RTN4RL1: variants seen among roughly 807,000 people sequenced by gnomAD.
The protein encoded by RTN4RL1 is reticulon-4 receptor-like 1.
Under a neutral mutation model 25.6 loss-of-function variants are expected in RTN4RL1, and 7 were observed. The observed-to-expected ratio is 0.27, with a 90% CI of 0.16 to 0.51. The LOEUF is 0.51. Ranked by LOEUF, RTN4RL1 falls within the 20% of genes least tolerant of loss-of-function variation. The probability of loss-of-function intolerance (pLI) is 0.97; values close to 1 mark genes in which losing one functional copy is unlikely to be tolerated. For missense variants in RTN4RL1, 500 were observed against 615.6 expected (o/e 0.81, Z 1.99); for synonymous variants, 297 against 288.2 (o/e 1.03, Z -0.31).
rs531346083 is a variant in RTN4RL1, at chr17:1,936,015, G to T, written c.*481C>A. ...GCAGGGTGACTGGCCTCAGGCAAGAGCCAAGATGCCACCTGCTCGTGTGTG... is the reference window on the plus strand; with the variant it reads ...GCAGGGTGACTGGCCTCAGGCAAGATCCAAGATGCCACCTGCTCGTGTGTG... On this transcript the variant is annotated 3_prime_UTR_variant, in exon 2 of 2. Transcript: ENST00000331238. 2 of 988,832 alleles carry T rather than the reference G, an allele frequency of 2.0e-6. No individual in the cohort carries two copies. Among genetic ancestry groups the T allele is most frequent in the South Asian group, 9.3e-5 (2 of 21,420 alleles). 61.3% of individuals were successfully genotyped at this position (988,832 alleles called of 1,614,324 possible).
At chr17:1,951,467 T>C (rs1233051737) in intron 1 of RTN4RL1, among the ~76,000 whole-genome samples, 1 of 151,236 alleles carries the variant, frequency 6.6e-6, no homozygotes, top group African/African-American at 2.4e-5. Context: ...TGTTTGTTTT[T>C]TTGGGACAGA....
At chr17:2,011,984 G>T (rs2067055719) in intron 1 of RTN4RL1, among the ~76,000 whole-genome samples, 1 of 152,160 alleles carries the variant, frequency 6.6e-6, no homozygotes, top group Non-Finnish European at 1.5e-5. Context: ...TCCCTGGGAG[G>T]AGAGGAAGCA....
chr17:1,945,654 C>G (rs973499984), intron 1 of RTN4RL1, among the ~76,000 whole-genome samples: 1 of 152,208 alleles, frequency 6.6e-6, no homozygotes, highest in Non-Finnish European at 1.5e-5. Context: ...CCCGGCCGCC[C>G]TGCTTCACTT....
At chr17:1,982,301 AAAAAG>A (rs2066870501) in intron 1 of RTN4RL1, among the ~76,000 whole-genome samples, 1 of 149,828 alleles carries the variant, frequency 6.7e-6, no homozygotes, top group East Asian at 1.9e-4. Flanking sequence ...ACTTTGTCTC[AAAAAG>A]AAAAGAGAAG....
chr17:2,021,551 C>CTTTTTTTTT (rs767770637), intron 1 of RTN4RL1, among the ~76,000 whole-genome samples: 2 of 106,186 alleles, frequency 1.9e-5, no homozygotes, highest in Non-Finnish European at 1.8e-5. Context: ...CATCCTATAC[C>CTTTTTTTTT]TTTTTTTTTT....
chr17:2,004,647 C>A (rs968339617), intron 1 of RTN4RL1, among the ~76,000 whole-genome samples: 4 of 152,204 alleles, frequency 2.6e-5, no homozygotes, highest in Admixed American at 2.0e-4. Context: ...CCGCCTGCAC[C>A]GCCTTAGGGG....
intron 1 of RTN4RL1, among the ~76,000 whole-genome samples, chr17:1,972,781 C>T (rs1187579902): frequency 6.6e-6 from 1 of 152,206 alleles, no homozygotes; most frequent in Non-Finnish European, 1.5e-5. Flanking sequence ...GCTAACTGTT[C>T]ACAGACTCCT....
chr17:2,009,166 A>G (rs1213435526), intron 1 of RTN4RL1, among the ~76,000 whole-genome samples: 1 of 152,184 alleles, frequency 6.6e-6, no homozygotes, highest in Admixed American at 6.5e-5. Flanking sequence ...TGTGGAGTAA[A>G]AGGGCAGGGT....
rs376654942 is a variant in RTN4RL1, at chr17:1,985,244, C to T, written c.13+39609G>A. On this transcript the variant is annotated intron_variant, in intron 1 of 1. Transcript: ENST00000331238. ...CTCCTGGCACAAAGGTGTTCACTCCCTGAGTGCCTGCACCAATGCCCTAGG... is the reference window on the plus strand; with the variant it reads ...CTCCTGGCACAAAGGTGTTCACTCCTTGAGTGCCTGCACCAATGCCCTAGG... Among the ~76,000 whole-genome samples the T allele has an allele frequency of 2.8e-4, 43 of 152,348 alleles. No individual in the cohort carries two copies. In the South Asian group the frequency reaches 8.9e-3, roughly 32 times the overall value.
chr17:1,973,761 G>A (rs973249492), intron 1 of RTN4RL1, among the ~76,000 whole-genome samples: 2 of 152,078 alleles, frequency 1.3e-5, no homozygotes, highest in African/African-American at 2.4e-5. Flanking sequence ...AGAGCTGGCC[G>A]GGTGTGGTGG....
chr17:1,948,057 C>A (rs1317849948), intron 1 of RTN4RL1, among the ~76,000 whole-genome samples: 2 of 152,220 alleles, frequency 1.3e-5, no homozygotes, highest in Non-Finnish European at 2.9e-5. Context: ...ACCCTGGACC[C>A]TGGATTTCAC....
rs1179496235 is a variant in RTN4RL1 at position 1,994,133 on chromosome 17, A to G, written c.13+30720T>C. ...TCCCAATCTGTGGATTGCTTTCCCC[A>G]GTCTCTGGAGTAAGATCTCATTTTG... On this transcript the variant is annotated intron_variant, in intron 1 of 1. Transcript: ENST00000331238. The surrounding 1 kb of genome is among the most constrained non-coding windows in gnomAD (Gnocchi z 4.3). Among the ~76,000 whole-genome samples, 1 of 151,906 alleles carries G rather than the reference A, an allele frequency of 6.6e-6. No individual in the cohort carries two copies. Among genetic ancestry groups the G allele is most frequent in the African/African-American group, 2.4e-5 (1 of 41,332 alleles).
chr17:1,977,813 G>A (rs1567515067), intron 1 of RTN4RL1, among the ~76,000 whole-genome samples: 1 of 152,070 alleles, frequency 6.6e-6, no homozygotes, highest in Non-Finnish European at 1.5e-5. Flanking sequence ...TAGGGCGAGC[G>A]GCGCTCCCGG....
intron 1 of RTN4RL1, among the ~76,000 whole-genome samples, chr17:2,008,381 T>C (rs538366157): frequency 6.6e-6 from 1 of 151,652 alleles, no homozygotes; most frequent in Non-Finnish European, 1.5e-5. Context: ...TAGAAAGGTG[T>C]TTGAGAAATA....
chr17:2,018,455 G>A (rs1409220827), intron 1 of RTN4RL1, among the ~76,000 whole-genome samples: 1 of 152,186 alleles, frequency 6.6e-6, no homozygotes, highest in Non-Finnish European at 1.5e-5. Context: ...AGGAGTCCCA[G>A]ATCCCAGCCA....
intron 1 of RTN4RL1, among the ~76,000 whole-genome samples, chr17:1,953,417 G>A (rs1029757154): frequency 6.6e-6 from 1 of 151,992 alleles, no homozygotes; most frequent in Non-Finnish European, 1.5e-5. Flanking sequence ...ATTAAAATTG[G>A]GGGGAGGGAT....
intron 1 of RTN4RL1, among the ~76,000 whole-genome samples, chr17:1,981,024 A>G (rs1351799075): frequency 6.6e-6 from 1 of 151,388 alleles, no homozygotes; most frequent in Non-Finnish European, 1.5e-5. Context: ...CTCATCAGGC[A>G]GGAGGCACTG....
rs1368253637 is a variant in RTN4RL1 at position 1,997,045 on chromosome 17, C to T, written c.13+27808G>A. On this transcript the variant is annotated intron_variant, in intron 1 of 1. Transcript: ENST00000331238. The stretch of plus-strand genomic sequence containing the variant: ...AACCAACCTGGCCTCCCCGCCTTCC[C>T]CCTTAACTATCTTCCATTCTCCACA... Among the ~76,000 whole-genome samples, 6 of 152,354 alleles carry T rather than the reference C, an allele frequency of 3.9e-5. No individual in the cohort carries two copies. The East Asian group carries it at 1.2e-3, about 29-fold the overall frequency.
At chr17:2,002,441 C>CACA (rs2066965180) in intron 1 of RTN4RL1, among the ~76,000 whole-genome samples, 1 of 149,356 alleles carries the variant, frequency 6.7e-6, no homozygotes, top group African/African-American at 2.5e-5. Flanking sequence ...TACAGGCGCC[C>CACA]GCCACCTCGC....
Sources: gnomAD v4.1 joint callset for allele counts (sites outside exome capture counted in the v4.1 genomes callset) on GRCh38, gnomAD v4.1.1 for gene constraint, Gnocchi (gnomAD v3.1) non-coding constraint, MANE v1.5 for transcripts, NCBI Gene and HGNC (gene_info 2026-07-23, HGNC 2026-07-21) for gene names.